Variants in RUFY3 observed in about 807,000 individuals in gnomAD.
The protein encoded by RUFY3 is RUN and FYVE domain containing 3.
Under a neutral mutation model 84.0 loss-of-function variants are expected in RUFY3, and 34 were observed. The ratio of observed to expected loss-of-function variants is 0.40; its 90% CI spans 0.31 to 0.54. RUFY3 has a LOEUF of 0.54. Among genes scored for constraint, RUFY3 ranks in the 20% least tolerant of loss-of-function variants. RUFY3 has a pLI of 0.39. For missense variants in RUFY3, 507 were observed against 736.8 expected (o/e 0.69, Z 3.61); for synonymous variants, 242 against 252.9 (o/e 0.96, Z 0.41).
At chr4:70,746,607 C>T (rs146605013) in intron 1 of RUFY3, among the ~76,000 whole-genome samples, 3 of 151,632 alleles carry the variant, frequency 2.0e-5, no homozygotes, top group East Asian at 1.9e-4. Flanking sequence ...TAAATGGTTA[C>T]GTATAAGAAC....
In RUFY3 at chr4:70,788,926, C is replaced by A. The variant is rs1730347629; in HGVS notation, c.1192C>A (p.Leu398Met). The change falls in exon 11 of 18, where the codon CTG becomes ATG. Residue 398 changes from leucine to methionine, a missense_variant. Coordinates refer to ENST00000381006, the MANE Select transcript of RUFY3 (RefSeq NM_001037442.4). Reference protein sequence around the residue: ...QDALVSLRQQLDDLRALKHEL... With the variant: ...QDALVSLRQQMDDLRALKHEL... ...TGCCCTGGTATCTCTTCGGCAGCAG[C>A]TGGATGACCTCAGAGCTCTCAAGCA... 6 of 1,614,064 alleles carry A rather than the reference C, an allele frequency of 3.7e-6. No homozygotes were observed. The East Asian group carries it at 1.3e-4, about 36-fold the overall frequency.
intron 1 of RUFY3, among the ~76,000 whole-genome samples, chr4:70,762,056 G>A (rs115049824): frequency 0.011 from 1,622 of 152,224 alleles, 25 homozygotes; most frequent in African/African-American, 0.037. Flanking sequence ...TGGCTCACGC[G>A]TATTATCCCA....
intron 1 of RUFY3, among the ~76,000 whole-genome samples, chr4:70,707,210 G>C (rs1003141839): frequency 2.6e-5 from 4 of 152,234 alleles, no homozygotes; most frequent in Non-Finnish European, 5.9e-5. Flanking sequence ...TAAAGCTAAA[G>C]TTTCATGAGC....
At chr4:70,753,726 C>G (rs75707647) in intron 1 of RUFY3, among the ~76,000 whole-genome samples, 2,355 of 152,262 alleles carry the variant, frequency 0.015, 42 homozygotes, top group South Asian at 0.057. Context: ...CCAAACAGAA[C>G]ATGTCATTTC....
chr4:70,763,202 C>T (rs1560512150), intron 2 of RUFY3, among the ~76,000 whole-genome samples: 1 of 151,888 alleles, frequency 6.6e-6, no homozygotes, highest in Non-Finnish European at 1.5e-5. Context: ...CTATGCTTAC[C>T]AACTTCCCAA....
At chr4:70,710,051 C>T (rs958218441) in intron 1 of RUFY3, among the ~76,000 whole-genome samples, 4 of 152,160 alleles carry the variant, frequency 2.6e-5, no homozygotes, top group African/African-American at 7.2e-5. Context: ...GATTAAGCCC[C>T]GGATAGTGCA....
intron 15 of RUFY3, among the ~76,000 whole-genome samples, chr4:70,802,120 G>C (rs992279297): frequency 6.6e-6 from 1 of 152,218 alleles, no homozygotes; most frequent in Non-Finnish European, 1.5e-5. Flanking sequence ...ACTTATCCAA[G>C]TTGCCTCTGT....
chr4:70,765,499 G>A (rs796684571), intron 4 of RUFY3, among the ~76,000 whole-genome samples: 6 of 152,148 alleles, frequency 3.9e-5, no homozygotes, highest in African/African-American at 1.4e-4. Context: ...TTTTGTGAAA[G>A]TTCATGGAAC....
In RUFY3 at chr4:70,762,515, G is replaced by A. The variant is rs116371426; in HGVS notation, c.179-4G>A. On this transcript the variant is annotated splice_polypyrimidine_tract_variant and splice_region_variant and intron_variant, in intron 1 of 17. Transcript: ENST00000381006. The stretch of plus-strand genomic sequence containing the variant: ...GCCTTCATCTTCTTCCCCTTTGGCT[G>A]CAGATCCTAATTATCTCATGGCTAA... 4 of 1,595,792 alleles carry A rather than the reference G, an allele frequency of 2.5e-6. No individual in the cohort carries two copies. In the South Asian group the frequency reaches 3.4e-5, roughly 13 times the overall value.
At chr4:70,776,675 C>T (rs953603580) in intron 7 of RUFY3, among the ~76,000 whole-genome samples, 2 of 152,190 alleles carry the variant, frequency 1.3e-5, no homozygotes, top group African/African-American at 4.8e-5. Context: ...GCTCGGGAGG[C>T]TGAGGCAGGA....
upstream of RUFY3, among the ~76,000 whole-genome samples, chr4:70,719,329 C>T (rs1488346106): frequency 5.3e-5 from 8 of 152,178 alleles, no homozygotes; most frequent in Non-Finnish European, 8.8e-5. Flanking sequence ...ATGGATCTTC[C>T]GAAGGAATGT....
chr4:70,736,368 C>G (rs1720294788), intron 1 of RUFY3, among the ~76,000 whole-genome samples: 1 of 152,070 alleles, frequency 6.6e-6, no homozygotes, highest in Admixed American at 6.6e-5. Flanking sequence ...GTATCAGATT[C>G]TCTTTTTCAA....
chr4:70,729,670 G>A (rs1577977228), intron 1 of RUFY3, among the ~76,000 whole-genome samples: 2 of 152,164 alleles, frequency 1.3e-5, no homozygotes, highest in African/African-American at 4.8e-5. Flanking sequence ...TATATTAGTA[G>A]TTATTCATGA....
intron 1 of RUFY3, among the ~76,000 whole-genome samples, chr4:70,705,584 C>T (rs886746245): frequency 3.3e-5 from 5 of 152,200 alleles, no homozygotes; most frequent in Non-Finnish European, 5.9e-5. Context: ...CTGGTCTTCG[C>T]CGGCCTCCCA....
intron 1 of RUFY3, among the ~76,000 whole-genome samples, chr4:70,726,424 G>C (rs754202930): frequency 8.6e-5 from 13 of 151,922 alleles, no homozygotes; most frequent in Non-Finnish European, 1.8e-4. Context: ...GTGCAATGGC[G>C]CTATCTCAGT....
intron 2 of RUFY3, 92 bp from the exon 3 acceptor site, chr4:70,763,460 C>G: frequency 1.2e-6 from 1 of 848,748 alleles, no homozygotes; most frequent in Non-Finnish European, 1.8e-6. Flanking sequence ...GGATTGGTTT[C>G]CTGAAAAGTT....
At chr4:70,765,054 G>A (rs781163050) in intron 4 of RUFY3, among the ~76,000 whole-genome samples, 19 of 151,650 alleles carry the variant, frequency 1.3e-4, no homozygotes, top group Non-Finnish European at 2.1e-4. Context: ...CGGGCGTGGC[G>A]GTGGACACCT....
At position 70,794,783 on chromosome 4, in the gene RUFY3, A is replaced by G; in HGVS notation, c.1458-12A>G. 3 of 1,582,276 alleles carry G rather than the reference A, an allele frequency of 1.9e-6. No homozygotes were observed. The highest frequency in any genetic ancestry group is 2.6e-6 in the Non-Finnish European group (3 of 1,152,360). On this transcript the variant is annotated splice_polypyrimidine_tract_variant and intron_variant, in intron 13 of 17. Coordinates refer to ENST00000381006, the MANE Select transcript of RUFY3 (RefSeq NM_001037442.4). ...CCAATTTTTCATCCTTTTCCTCTCC[A>G]ACTTACCTCAGGAACCAGCTTGAGT...
At chr4:70,744,231 C>T (rs1279714478) in intron 1 of RUFY3, among the ~76,000 whole-genome samples, 2 of 152,040 alleles carry the variant, frequency 1.3e-5, no homozygotes, top group African/African-American at 4.8e-5. Context: ...CGAGGTATCA[C>T]TCTGTTGCCC....
Sources: gnomAD v4.1 joint callset for allele counts (sites outside exome capture counted in the v4.1 genomes callset) on GRCh38, gnomAD v4.1.1 for gene constraint, MANE v1.5 for transcripts, NCBI Gene and HGNC (gene_info 2026-07-23, HGNC 2026-07-21) for gene names.